Variants in MGAM observed in about 807,000 individuals in gnomAD.
MGAM encodes the protein maltase-glucoamylase.
Under a neutral mutation model 358.8 loss-of-function variants are expected in MGAM, and 253 were observed. That is an observed-to-expected ratio of 0.71 (90% CI 0.64 to 0.78). The LOEUF (loss-of-function observed/expected upper bound fraction) is 0.78, where lower values mean the gene tolerates loss of function less well. MGAM is among the 30% of genes least tolerant of loss of function. MGAM has a pLI of 0.00. For missense variants in MGAM, 3,080 were observed against 3,432.6 expected (o/e 0.90, Z 2.57); for synonymous variants, 1,105 against 1,227.1 (o/e 0.90, Z 2.08).
chr7:142,086,388 G>C, intron 56 of MGAM, 60 bp downstream of exon 56: 1 of 1,321,044 alleles, frequency 7.6e-7, no homozygotes, highest in Non-Finnish European at 1.0e-6. Flanking sequence ...CTGTTAGAGG[G>C]TCACACGCCT....
Position 142,088,617 on chromosome 7 carries a change from CTCTA to C in MGAM, c.6810+1905_6810+1908del, listed in dbSNP as rs1428208971. Among the ~76,000 whole-genome samples the C allele has an allele frequency of 2.8e-5, 4 of 142,564 alleles. 1 individual carries two copies. Among genetic ancestry groups the C allele is most frequent in the Non-Finnish European group, 6.3e-5 (4 of 63,176 alleles). 93.5% of individuals were successfully genotyped at this position (142,564 alleles called of 152,430 possible). On this transcript the variant is annotated intron_variant, in intron 57 of 70. Coordinates refer to ENST00000475668, the MANE Select transcript of MGAM (RefSeq NM_001365693.1). ...CTATATCTATCTATCTATCTATCCA[CTCTA>C]TCTACTCAGGTTATATCTATCTTTC...
chr7:142,072,222 A>G (rs62477630), intron 44 of MGAM, among the ~76,000 whole-genome samples: 46,355 of 144,514 alleles, frequency 0.32, 12,690 homozygotes, highest in Middle Eastern at 0.5. Context: ...TACCTTAACA[A>G]CTCTTATCTC....
chr7:142,045,609 TA>T (rs1810183004), intron 21 of MGAM, among the ~76,000 whole-genome samples: 1 of 108,732 alleles, frequency 9.2e-6, no homozygotes, highest in African/African-American at 3.8e-5. Context: ...ATATATAATA[TA>T]TATTATATAC....
rs960230537 is a variant in MGAM, at chr7:142,023,458, C to T, written c.882+1019C>T. Among the ~76,000 whole-genome samples, 4 of 152,104 alleles carry T rather than the reference C, an allele frequency of 2.6e-5. No homozygotes were observed. In the East Asian group the frequency reaches 7.7e-4, roughly 29 times the overall value. On this transcript the variant is annotated intron_variant, in intron 7 of 70. Coordinates refer to ENST00000475668, the MANE Select transcript of MGAM (RefSeq NM_001365693.1). ...ATATATATATATATACACACACACACACATACATGTTTGTGTATATATATC... is the reference window on the plus strand; with the variant it reads ...ATATATATATATATACACACACACATACATACATGTTTGTGTATATATATC...
intron 42 of MGAM, among the ~76,000 whole-genome samples, chr7:142,067,935 A>AATATATATATATATATATATATATAAAT (rs1812906983): frequency 3.4e-5 from 1 of 29,182 alleles, no homozygotes; most frequent in African/African-American, 8.1e-5. Flanking sequence ...ACCTCCCTCA[A>AATATATATATATATATATATATATAAAT]ATATATATAT....
intron 57 of MGAM, among the ~76,000 whole-genome samples, chr7:142,090,191 C>T (rs1409232354): frequency 1.4e-5 from 2 of 145,674 alleles, no homozygotes; most frequent in Admixed American, 6.9e-5. Flanking sequence ...AGAGCCAGCA[C>T]GTTGGAGAAC....
intron 21 of MGAM, among the ~76,000 whole-genome samples, chr7:142,043,848 G>A (rs1471421061): frequency 2.5e-5 from 2 of 79,156 alleles, no homozygotes; most frequent in Admixed American, 1.9e-4. Flanking sequence ...ATACACATAC[G>A]ACGTATAATA....
At chr7:142,062,827 A>T in intron 35 of MGAM, 125 bp downstream of exon 35, 1 of 1,472,134 alleles carries the variant, frequency 6.8e-7, no homozygotes, top group Non-Finnish European at 9.1e-7. Context: ...GACATAGCAG[A>T]CACTTCTTCC....
At chr7:142,044,412 G>C (rs1301170743) in intron 21 of MGAM, among the ~76,000 whole-genome samples, 2 of 133,260 alleles carry the variant, frequency 1.5e-5, no homozygotes, top group African/African-American at 5.4e-5. Flanking sequence ...GATATATAAT[G>C]AATATTATAT....
rs1351450377 is a variant in MGAM at position 142,040,184 on chromosome 7, G to C, written c.2373+13G>C. The C allele has an allele frequency of 6.2e-7, 1 of 1,604,318 alleles. No homozygotes were observed. Among genetic ancestry groups the C allele is most frequent in the Admixed American group, 1.7e-5 (1 of 59,658 alleles). ...TGACTACGAGACTGTAAGTAGCTTT[G>C]ACTTTTCTTCTACTCCTTAAGACTG... On this transcript the variant is annotated intron_variant, in intron 20 of 70. Coordinates refer to ENST00000475668, the MANE Select transcript of MGAM (RefSeq NM_001365693.1).
At position 142,022,432 on chromosome 7, in the gene MGAM, C is replaced by T. The variant is rs1554459281; in HGVS notation, c.875C>T (p.Pro292Leu). ...CCCATATTTAACAGAGACACAACTC[C>T]CAATGGAGTAAGCTTTCAAATGGGC... is the stretch of plus-strand genomic sequence containing the variant. Reference protein sequence around the residue: ...TWPIFNRDTTPNGNGTNLYGA... With the variant: ...TWPIFNRDTTLNGNGTNLYGA... Residue 292 changes from proline to leucine, a missense_variant, in exon 7 of 71, where the codon CCC becomes CTC. Around this residue, in one of 5 missense-constraint regions of MGAM, gnomAD observed 1,816 missense variants for 1,840.5 expected, o/e 0.99. Transcript: ENST00000475668. 8.7e-6 allele frequency: 14 copies of T among 1,612,728 alleles called. No homozygotes were observed. The highest frequency in any genetic ancestry group is 1.3e-5 in the African/African-American group (1 of 74,952).
At chr7:142,022,197 G>T in intron 6 of MGAM, 71 bp from the exon 7 acceptor site, 7 of 1,407,304 alleles carry the variant, frequency 5.0e-6, no homozygotes, top group Non-Finnish European at 6.7e-6. Context: ...TATAAAGGAC[G>T]CTTTTCTAAG....
chr7:141,998,546 G>A, intron 1 of MGAM, among the ~76,000 whole-genome samples: 1 of 152,114 alleles, frequency 6.6e-6, no homozygotes, highest in East Asian at 1.9e-4. Flanking sequence ...TGAGAATGAT[G>A]GCTTCCAGTT....
chr7:142,037,779 G>A (rs563056725), intron 18 of MGAM, among the ~76,000 whole-genome samples: 1 of 152,260 alleles, frequency 6.6e-6, no homozygotes, highest in South Asian at 2.1e-4. Flanking sequence ...TTGGTACATA[G>A]TAGTTGCATA....
intron 66 of MGAM, among the ~76,000 whole-genome samples, chr7:142,099,181 C>G (rs889511733): frequency 2.0e-5 from 3 of 152,126 alleles, no homozygotes; most frequent in Middle Eastern, 3.2e-3. Flanking sequence ...GGAGGTGATG[C>G]GGCTGACATC....
intron 7 of MGAM, among the ~76,000 whole-genome samples, chr7:142,022,954 G>T (rs1806601278): frequency 6.6e-6 from 1 of 152,072 alleles, no homozygotes; most frequent in Non-Finnish European, 1.5e-5. Context: ...GAGTTTTGTT[G>T]TTATTGTTTT....
In MGAM at chr7:142,096,894, G is replaced by A. The variant is rs1256344112; in HGVS notation, c.7692+479G>A. On this transcript the variant is annotated intron_variant, in intron 65 of 70. Coordinates refer to ENST00000475668, the MANE Select transcript of MGAM (RefSeq NM_001365693.1). ...TACTTCTATTGTTGATTAGGCTTCT[G>A]ATTAAAATACCAGTTAATTGCACCT... Among the ~76,000 whole-genome samples, 3 of 150,278 alleles carry A rather than the reference G, an allele frequency of 2.0e-5. No homozygotes were observed. In the East Asian group the frequency reaches 5.9e-4, roughly 30 times the overall value.
chr7:142,088,648 ATCTGTCTG>A lies in MGAM; in HGVS notation c.6810+1935_6810+1942del, dbSNP rs1250592944. Among the ~76,000 whole-genome samples the A allele has an allele frequency of 1.6e-5, 2 of 121,538 alleles. 1 individual carries two copies. Among genetic ancestry groups the A allele is most frequent in the Non-Finnish European group, 3.7e-5 (2 of 54,658 alleles). The allele number at this position is 121,538 out of a possible 152,430, so 79.7% of individuals were successfully genotyped here. ...CTACTCAGGTTATATCTATCTTTCT[ATCTGTCTG>A]TCTATCTATCTATCTATCTATCTAT... On this transcript the variant is annotated intron_variant, in intron 57 of 70. Transcript: ENST00000475668.
Position 142,029,691 on chromosome 7 carries a change from T to C in MGAM, c.1222-671T>C, listed in dbSNP as rs146042317. Among the ~76,000 whole-genome samples, 998 of 152,306 alleles carry C rather than the reference T, an allele frequency of 6.6e-3. 11 individuals are homozygous for C. Among genetic ancestry groups the C allele is most frequent in the African/African-American group, 0.023 (953 of 41,562 alleles). On this transcript the variant is annotated intron_variant, in intron 10 of 70. Transcript: ENST00000475668. ...ATGGACATGTAATAAAACATTTTTGTACTTTGAATGGCTAAGTTTGAATGT... is the reference window on the plus strand; with the variant it reads ...ATGGACATGTAATAAAACATTTTTGCACTTTGAATGGCTAAGTTTGAATGT...
Sources: allele counts gnomAD v4.1 joint callset (sites outside exome capture counted in the v4.1 genomes callset), GRCh38; gene constraint gnomAD v4.1.1; regional missense constraint gnomAD v4.1.1; transcripts MANE v1.5; gene names NCBI Gene and HGNC (gene_info 2026-07-23, HGNC 2026-07-21).